DAB1: variants seen among roughly 807,000 people sequenced by gnomAD.
The protein encoded by DAB1 is disabled homolog 1.
DAB1 carries 15 observed loss-of-function variants against 64.6 expected under a neutral mutation model. That is an observed-to-expected ratio of 0.23 (90% confidence interval 0.16 to 0.36). The LOEUF (loss-of-function observed/expected upper bound fraction) is 0.36, where lower values mean the gene tolerates loss of function less well. Among genes scored for constraint, DAB1 ranks in the 10% least tolerant of loss-of-function variants. The pLI, the probability that DAB1 is intolerant of heterozygous loss-of-function variation, is 1.00. For synonymous variants in DAB1, 235 were observed against 251.9 expected (o/e 0.93, Z 0.64); for missense variants, 596 against 706.7 (o/e 0.84, Z 1.78).
At chr1:58,212,988 C>T (rs765725365) in intron 4 of DAB1, among the ~76,000 whole-genome samples, 5 of 152,134 alleles carry the variant, frequency 3.3e-5, no homozygotes, top group Non-Finnish European at 5.9e-5. Flanking sequence ...TTCTTAGAGC[C>T]CATTTAAAAA....
chr1:57,672,483 T>C (rs1247041010), intron 6 of DAB1, among the ~76,000 whole-genome samples: 2 of 152,054 alleles, frequency 1.3e-5, no homozygotes, highest in Non-Finnish European at 2.9e-5. Context: ...TGCTTTCTAG[T>C]GGGGTCTTAC....
chr1:58,286,015 A>T (rs948116510), intron 4 of DAB1, among the ~76,000 whole-genome samples: 3 of 152,180 alleles, frequency 2.0e-5, no homozygotes, highest in African/African-American at 7.2e-5. Flanking sequence ...AGGACCAAAC[A>T]TCTACAACCA....
At position 57,032,736 on chromosome 1, in the gene DAB1, T is replaced by G. The variant is rs200348043; in HGVS notation, c.724-6693A>C. ...AGCTCTCCTGATGATTCCAATTTGA[T>G]GCCAAGGTTGAAGATTTTTGTCCTA... On this transcript the variant is annotated intron_variant, in intron 9 of 14. Coordinates refer to ENST00000371236, the MANE Select transcript of DAB1 (RefSeq NM_001365792.1). 9.8e-5 allele frequency among the ~76,000 whole-genome samples: 15 copies of G among 152,344 alleles called. No homozygotes were observed. In the East Asian group the frequency reaches 2.9e-3, roughly 29 times the overall value.
intron 7 of DAB1, among the ~76,000 whole-genome samples, chr1:57,436,842 C>A (rs1393910923): frequency 6.6e-6 from 1 of 152,048 alleles, no homozygotes; most frequent in East Asian, 1.9e-4. Context: ...TCCTGGCTAA[C>A]ATGGTGAACC....
chr1:58,467,831 C>T (rs1206145970), intron 3 of DAB1: 1 of 152,244 alleles, frequency 6.6e-6, no homozygotes, highest in Non-Finnish European at 1.5e-5. Context: ...GCGTAAAATA[C>T]AAAACCTGTT....
chr1:58,495,352 T>C (rs1178013421), intron 3 of DAB1, among the ~76,000 whole-genome samples: 1 of 152,118 alleles, frequency 6.6e-6, no homozygotes, highest in Non-Finnish European at 1.5e-5. Context: ...CACACCAACA[T>C]GGCACATGTA....
chr1:57,128,752 T>C (rs1020203925), intron 4 of DAB1, among the ~76,000 whole-genome samples: 1 of 152,118 alleles, frequency 6.6e-6, no homozygotes, highest in Non-Finnish European at 1.5e-5. Context: ...ACTGTAAATC[T>C]TCAGTCACAG....
chr1:58,097,364 A>T (rs1293324903), intron 5 of DAB1, among the ~76,000 whole-genome samples: 2 of 152,198 alleles, frequency 1.3e-5, no homozygotes, highest in Non-Finnish European at 2.9e-5. Context: ...GCCCTCATGG[A>T]GCTTCCATCT....
At chr1:57,263,940 A>T (rs1670388637) in intron 2 of DAB1, among the ~76,000 whole-genome samples, 1 of 152,106 alleles carries the variant, frequency 6.6e-6, no homozygotes, top group Admixed American at 6.6e-5. Flanking sequence ...ACCCTGTACC[A>T]CAAGGGGAAA....
chr1:57,792,611 T>C (rs1650657682), intron 6 of DAB1, among the ~76,000 whole-genome samples: 1 of 152,220 alleles, frequency 6.6e-6, no homozygotes, highest in Admixed American at 6.5e-5. Context: ...GTCGCCTTTG[T>C]TTTAAGCTTT....
chr1:57,439,426 T>C (rs797013188), intron 7 of DAB1, among the ~76,000 whole-genome samples: 1,080 of 94,878 alleles, frequency 0.011, 41 homozygotes, highest in African/African-American at 0.057. Context: ...AGGTTTTTTC[T>C]TTTTTTTTTT....
rs545654691 is a variant in DAB1 at position 57,588,377 on chromosome 1, G to A, written n.625+61215C>T. Among the ~76,000 whole-genome samples the A allele has an allele frequency of 3.9e-5, 6 of 152,228 alleles. No individual in the cohort carries two copies. In the South Asian group the frequency reaches 8.3e-4, roughly 21 times the overall value. The stretch of plus-strand genomic sequence containing the variant: ...TAAAATAATGGTAAAGTTAATTATT[G>A]GCAAATTAAAATGGAAGTGCTATCT... On this transcript the variant is annotated intron_variant and non_coding_transcript_variant, in intron 7 of 20. Coordinates refer to the DAB1 transcript ENST00000485760.
intron 7 of DAB1, among the ~76,000 whole-genome samples, chr1:57,455,953 A>G (rs1686575985): frequency 6.6e-6 from 1 of 152,130 alleles, no homozygotes; most frequent in Non-Finnish European, 1.5e-5. Flanking sequence ...AATTTCTTTG[A>G]AATTATTAAC....
intron 2 of DAB1, among the ~76,000 whole-genome samples, chr1:57,238,854 C>CACAT (rs762102852): frequency 0.036 from 5,057 of 141,486 alleles, 122 homozygotes; most frequent in African/African-American, 0.082. Context: ...CACACACACA[C>CACAT]ACACATACAC....
intron 11 of DAB1, among the ~76,000 whole-genome samples, chr1:57,018,324 G>T (rs1453868884): frequency 6.6e-6 from 1 of 152,188 alleles, no homozygotes. Context: ...ACTTACAGCT[G>T]TGGCTTTCAG....
chr1:57,694,340 G>T (rs1646798550), intron 6 of DAB1, among the ~76,000 whole-genome samples: 1 of 152,088 alleles, frequency 6.6e-6, no homozygotes. Context: ...AGAGAGACTG[G>T]CTCTGGGTGA....
intron 5 of DAB1, among the ~76,000 whole-genome samples, chr1:58,012,073 T>C (rs1162108479): frequency 7.9e-5 from 12 of 152,196 alleles, no homozygotes; most frequent in Non-Finnish European, 1.0e-4. Context: ...CTGAGTCTTG[T>C]ATAGTGACCA....
chr1:57,849,554 AAGG>A (rs1653430451), intron 1 of DAB1, among the ~76,000 whole-genome samples: 1 of 152,210 alleles, frequency 6.6e-6, no homozygotes, highest in South Asian at 2.1e-4. Context: ...TGCAGGAGGC[AAGG>A]AGAACTTGAG....
At chr1:57,339,018 G>A (rs1039162107) in intron 1 of DAB1, among the ~76,000 whole-genome samples, 13 of 152,126 alleles carry the variant, frequency 8.5e-5, no homozygotes, top group East Asian at 5.8e-4. Context: ...AATGAAGATC[G>A]GATGTGAGAA....
Sources: gnomAD v4.1 joint callset for allele counts (sites outside exome capture counted in the v4.1 genomes callset) on GRCh38, gnomAD v4.1.1 for gene constraint, MANE v1.5 for transcripts, NCBI Gene and HGNC (gene_info 2026-07-23, HGNC 2026-07-21) for gene names.